The following FOXP1 variants were observed in gnomAD, a reference collection of about 807,000 sequenced individuals.
The protein encoded by FOXP1 is forkhead box protein P1.
In FOXP1, 15 loss-of-function variants were observed where a neutral mutation model predicts 98.2. The ratio of observed to expected loss-of-function variants is 0.15; its 90% CI spans 0.10 to 0.24. The LOEUF is 0.24. Ranked by LOEUF, FOXP1 falls within the 10% of genes least tolerant of loss-of-function variation. The pLI, the probability that FOXP1 is intolerant of heterozygous loss-of-function variation, is 1.00. For missense variants in FOXP1, 633 were observed against 848.5 expected (o/e 0.75, Z 3.15); for synonymous variants, 371 against 314.5 (o/e 1.18, Z -1.90).
At chr3:71,565,184 C>G (rs1559537096) in intron 2 of FOXP1, among the ~76,000 whole-genome samples, 1 of 152,056 alleles carries the variant, frequency 6.6e-6, no homozygotes, top group Non-Finnish European at 1.5e-5. Context: ...GTCAATTTGT[C>G]CATAGTGGAG....
chr3:71,015,787 C>T lies in FOXP1; in HGVS notation c.870-134G>A, dbSNP rs1309837972. On this transcript the variant is annotated intron_variant, in intron 11 of 20. Coordinates refer to ENST00000649528, the MANE Select transcript of FOXP1 (RefSeq NM_001349338.3). The stretch of plus-strand genomic sequence containing the variant: ...GACAAATCTGTGATTTCCCCCATCC[C>T]ATGTAATTGACTAATTAATTCTGCA... 7.9e-6 allele frequency: 5 copies of T among 632,440 alleles called. No individual in the cohort carries two copies. In the East Asian group the frequency reaches 1.4e-4, roughly 18 times the overall value. The allele number at this position is 632,440 out of a possible 1,614,324, so 39.2% of individuals were successfully genotyped here. A position where few individuals can be genotyped will look rare whatever the true frequency, so the allele number is the denominator to read the frequency against.
At chr3:71,225,073 T>C (rs1375081110) in intron 5 of FOXP1, among the ~76,000 whole-genome samples, 1 of 152,234 alleles carries the variant, frequency 6.6e-6, no homozygotes, top group African/African-American at 2.4e-5. Context: ...AAAGCCAGAC[T>C]GAACAAGCAA....
At chr3:71,498,712 A>T (rs940807792) in intron 2 of FOXP1, among the ~76,000 whole-genome samples, 4 of 152,206 alleles carry the variant, frequency 2.6e-5, no homozygotes, top group Non-Finnish European at 4.4e-5. Flanking sequence ...TCATATGCTG[A>T]GCCTCCAGCA....
intron 3 of FOXP1, among the ~76,000 whole-genome samples, chr3:71,395,247 A>T (rs893586405): frequency 6.6e-6 from 1 of 151,544 alleles, no homozygotes; most frequent in Non-Finnish European, 1.5e-5. Flanking sequence ...TTAGCATTAA[A>T]GTAATAGGTA....
chr3:71,395,333 T>C (rs1379736796), intron 3 of FOXP1, among the ~76,000 whole-genome samples: 1 of 149,428 alleles, frequency 6.7e-6, no homozygotes, highest in African/African-American at 2.5e-5. Context: ...TTCTGCTGCC[T>C]TGAGTGTTTC....
intron 3 of FOXP1, among the ~76,000 whole-genome samples, chr3:71,490,133 C>T (rs958227649): frequency 1.2e-4 from 18 of 152,204 alleles, no homozygotes; most frequent in African/African-American, 3.1e-4. Context: ...GCATAATGCA[C>T]GGAAGGCCAG....
intron 3 of FOXP1, among the ~76,000 whole-genome samples, chr3:71,429,064 G>A (rs1011885762): frequency 2.0e-5 from 3 of 152,208 alleles, no homozygotes; most frequent in Non-Finnish European, 2.9e-5. Context: ...CGGCAAGCAC[G>A]AGGGGAAGGC....
chr3:71,441,284 G>C (rs1298584495), intron 3 of FOXP1, among the ~76,000 whole-genome samples: 1 of 152,208 alleles, frequency 6.6e-6, no homozygotes, highest in African/African-American at 2.4e-5. Flanking sequence ...GAAATGTCTG[G>C]AGACAGTCTT....
chr3:71,184,090 T>A (rs1011234996), intron 6 of FOXP1, among the ~76,000 whole-genome samples: 5 of 152,044 alleles, frequency 3.3e-5, no homozygotes, highest in African/African-American at 1.2e-4. Context: ...AGGCGGAGGT[T>A]GTGGTAAGCT....
chr3:71,557,628 G>C (rs1452529245), intron 2 of FOXP1, among the ~76,000 whole-genome samples: 3 of 152,180 alleles, frequency 2.0e-5, no homozygotes. Context: ...GAAGAGTGAG[G>C]TGAGGTAATA....
chr3:71,110,588 T>G (rs1430396924), intron 7 of FOXP1, among the ~76,000 whole-genome samples: 1 of 152,226 alleles, frequency 6.6e-6, no homozygotes, highest in Non-Finnish European at 1.5e-5. Context: ...GAATTTTAAT[T>G]GTGTCTCTGT....
chr3:71,422,869 C>A (rs749682568), intron 3 of FOXP1, among the ~76,000 whole-genome samples: 6 of 151,890 alleles, frequency 4.0e-5, no homozygotes, highest in African/African-American at 1.5e-4. Flanking sequence ...CACACAAGCG[C>A]GCACACACAC....
intron 3 of FOXP1, among the ~76,000 whole-genome samples, chr3:71,448,419 A>G (rs1292882430): frequency 6.6e-6 from 1 of 152,216 alleles, no homozygotes; most frequent in Non-Finnish European, 1.5e-5. Context: ...CCCAAAAGAC[A>G]AACTGTACCT....
At chr3:71,444,459 C>A (rs529557824) in intron 3 of FOXP1, among the ~76,000 whole-genome samples, 2 of 151,934 alleles carry the variant, frequency 1.3e-5, no homozygotes, top group East Asian at 3.9e-4. Flanking sequence ...AGCATCACCA[C>A]GACTCACTGT....
At chr3:71,139,707 G>C (rs1261927967) in intron 6 of FOXP1, among the ~76,000 whole-genome samples, 1 of 152,168 alleles carries the variant, frequency 6.6e-6, no homozygotes, top group Non-Finnish European at 1.5e-5. Flanking sequence ...CAGGGCAGGA[G>C]AGTCCTCATC....
intron 6 of FOXP1, among the ~76,000 whole-genome samples, chr3:71,193,069 T>C (rs2063087134): frequency 6.6e-6 from 1 of 152,174 alleles, no homozygotes; most frequent in Non-Finnish European, 1.5e-5. Flanking sequence ...CCCTGGGATA[T>C]CAATTCCTGA....
intron 4 of FOXP1, among the ~76,000 whole-genome samples, chr3:71,314,397 G>A (rs990577612): frequency 7.2e-5 from 11 of 151,892 alleles, no homozygotes; most frequent in Admixed American, 3.3e-4. Flanking sequence ...GTGTGGTGGC[G>A]GGAGCCTGTA....
chr3:71,004,065 TGGACTTTAAGTGGAACCCTA>T, intron 12 of FOXP1, among the ~76,000 whole-genome samples: 1 of 136,340 alleles, frequency 7.3e-6, no homozygotes, highest in Non-Finnish European at 1.5e-5. Context: ...CACAGCATTG[TGGACTTTAAGTGGAACCCTA>T]CATCCCCCCC....
At chr3:71,367,998 G>A (rs987329117) in intron 3 of FOXP1, among the ~76,000 whole-genome samples, 2 of 152,182 alleles carry the variant, frequency 1.3e-5, no homozygotes, top group Non-Finnish European at 2.9e-5. Context: ...ACCACTTAGG[G>A]TTGAATATTT....
Sources: gnomAD v4.1 joint callset for allele counts (sites outside exome capture counted in the v4.1 genomes callset) on GRCh38, gnomAD v4.1.1 for gene constraint, MANE v1.5 for transcripts, NCBI Gene and HGNC (gene_info 2026-07-23, HGNC 2026-07-21) for gene names.